The following ARL6IP6 variants were observed in gnomAD, a reference collection of about 807,000 sequenced individuals.
ARL6IP6 encodes the protein ARF like GTPase 6 interacting protein 6.
ARL6IP6 carries 22 observed loss-of-function variants against 21.5 expected under a neutral mutation model. That is an observed-to-expected ratio of 1.02 (90% CI 0.73 to 1.46). The LOEUF is 1.46. Among genes scored for constraint, ARL6IP6 ranks in the 40% most tolerant of loss-of-function variants. The pLI, the probability that ARL6IP6 is intolerant of heterozygous loss-of-function variation, is 0.00. For missense variants in ARL6IP6, 388 were observed against 299.8 expected, an observed-to-expected ratio of 1.29 and a Z score of -2.17; for synonymous variants, 164 against 125.3, an observed-to-expected ratio of 1.31 and a Z score of -2.06.
intron 2 of ARL6IP6, among the ~76,000 whole-genome samples, chr2:152,729,910 A>G (rs1431149343): frequency 1.3e-5 from 2 of 152,070 alleles, no homozygotes; most frequent in African/African-American, 2.4e-5. Flanking sequence ...AAGGGCTTAT[A>G]AAACATCAAA....
chr2:152,727,513 A>G (rs1700100411), intron 2 of ARL6IP6, among the ~76,000 whole-genome samples: 1 of 152,010 alleles, frequency 6.6e-6, no homozygotes, highest in South Asian at 2.1e-4. Context: ...CTTCACCTTC[A>G]CTCATCAGTC....
At chr2:152,742,344 G>A (rs1200577124) in intron 3 of ARL6IP6, among the ~76,000 whole-genome samples, 1 of 152,080 alleles carries the variant, frequency 6.6e-6, no homozygotes, top group Non-Finnish European at 1.5e-5. Context: ...AAGGTGGGAG[G>A]ATGGCTTGAG....
intron 1 of ARL6IP6, chr2:152,719,804 C>T: frequency 5.6e-6 from 2 of 355,012 alleles, no homozygotes; most frequent in Non-Finnish European, 1.2e-5. Flanking sequence ...GAAAAGCACC[C>T]AAAACATTGT....
chr2:152,740,966 C>G (rs1043304002), intron 3 of ARL6IP6, among the ~76,000 whole-genome samples: 1 of 152,052 alleles, frequency 6.6e-6, no homozygotes, highest in Admixed American at 6.5e-5. Context: ...AGAGTGAGTC[C>G]TTGTACAGGG....
At chr2:152,756,886 T>C (rs1701617891) in intron 3 of ARL6IP6, among the ~76,000 whole-genome samples, 2 of 152,276 alleles carry the variant, frequency 1.3e-5, no homozygotes, top group Middle Eastern at 3.4e-3. Flanking sequence ...TATATCTACC[T>C]TGTAACTCAG....
At chr2:152,752,951 T>A (rs1701406376) in intron 3 of ARL6IP6, among the ~76,000 whole-genome samples, 1 of 152,052 alleles carries the variant, frequency 6.6e-6, no homozygotes. Context: ...GATCTTGGTG[T>A]TTCTCTTTTA....
At chr2:152,737,279 C>CT (rs1314926950) in intron 3 of ARL6IP6, among the ~76,000 whole-genome samples, 1 of 152,084 alleles carries the variant, frequency 6.6e-6, no homozygotes, top group East Asian at 1.9e-4. Context: ...TTCATGTTGT[C>CT]TTTTACCACT....
intron 3 of ARL6IP6, among the ~76,000 whole-genome samples, chr2:152,747,915 G>C (rs61049574): frequency 0.66 from 100,778 of 151,886 alleles, 33,632 homozygotes; most frequent in East Asian, 0.73. Flanking sequence ...TGCTCAGGCT[G>C]GTCTGGAATC....
At chr2:152,726,187 A>G (rs943031939) in intron 2 of ARL6IP6, among the ~76,000 whole-genome samples, 10 of 152,148 alleles carry the variant, frequency 6.6e-5, no homozygotes, top group Admixed American at 4.6e-4. Flanking sequence ...ATGATTTACC[A>G]ATGTTGGGAA....
At chr2:152,735,317 C>G (rs934821449) in intron 3 of ARL6IP6, among the ~76,000 whole-genome samples, 191 bp downstream of exon 3, 3 of 152,098 alleles carry the variant, frequency 2.0e-5, no homozygotes, top group Admixed American at 2.0e-4. Context: ...AATTCTATAT[C>G]TAGATAATGC....
chr2:152,717,965 G>GAGGAGAGGGTTCGA, upstream of ARL6IP6: 2 of 1,007,700 alleles, frequency 2.0e-6, no homozygotes, highest in Middle Eastern at 5.0e-4. Context: ...GAGGGGTTCG[G>GAGGAGAGGGTTCGA]AGGAGAGGGT....
At chr2:152,719,962 A>T in intron 1 of ARL6IP6, 1 of 306,308 alleles carries the variant, frequency 3.3e-6, no homozygotes, top group South Asian at 1.8e-5. Context: ...CATACAGAAG[A>T]CACTTTGGCC....
chr2:152,743,388 G>C lies in ARL6IP6; in HGVS notation c.587+8262G>C, dbSNP rs191310844. The stretch of plus-strand genomic sequence containing the variant: ...AAAATGTTCACTATTTAGATCAAAC[G>C]TCAAATTTAACAGCATATACTCAAA... On this transcript the variant is annotated intron_variant, in intron 3 of 3. Coordinates refer to ENST00000326446, the MANE Select transcript of ARL6IP6 (RefSeq NM_152522.7). Among the ~76,000 whole-genome samples the C allele has an allele frequency of 2.6e-4, 40 of 152,246 alleles. No individual in the cohort carries two copies. The Middle Eastern group carries it at 0.01, about 39-fold the overall frequency.
chr2:152,739,868 C>T (rs986501605), intron 3 of ARL6IP6, among the ~76,000 whole-genome samples: 1 of 152,176 alleles, frequency 6.6e-6, no homozygotes, highest in African/African-American at 2.4e-5. Context: ...GCACATCTTA[C>T]ATGGCAGCAG....
intron 1 of ARL6IP6, 34 bp downstream of exon 1, chr2:152,719,058 A>G: frequency 6.8e-7 from 1 of 1,481,280 alleles, no homozygotes; most frequent in Non-Finnish European, 8.9e-7. Flanking sequence ...GTCTGTCCAG[A>G]GTAAAGTTGA....
At chr2:152,751,580 C>G (rs1701333801) in intron 3 of ARL6IP6, among the ~76,000 whole-genome samples, 1 of 152,148 alleles carries the variant, frequency 6.6e-6, no homozygotes, top group African/African-American at 2.4e-5. Context: ...CCTTCTACTT[C>G]TATGAGCTCA....
chr2:152,718,979 A>T lies in ARL6IP6; in HGVS notation c.355A>T (p.Ile119Phe), dbSNP rs146940034. ...LSILCSLLFA[I>F]LLAFLLAIAY... ...TATTCTCTGCTCGCTGCTCTTCGCC[A>T]TTCTTCTCGCCTTCCTCCTCGCCAT... The change falls in exon 1 of 4, where the codon ATT becomes TTT. Residue 119 changes from isoleucine (I) to phenylalanine (F), a missense_variant. By Grantham distance (21) the Ile-to-Phe change is conservative (BLOSUM62 0). Coordinates refer to ENST00000326446, the MANE Select transcript of ARL6IP6 (RefSeq NM_152522.7). The T allele has an allele frequency of 2.5e-6, 4 of 1,590,296 alleles. No homozygotes were observed. Among genetic ancestry groups the T allele is most frequent in the Non-Finnish European group, 2.6e-6 (3 of 1,166,604 alleles).
At chr2:152,723,887 C>A (rs1191616934) in intron 2 of ARL6IP6, among the ~76,000 whole-genome samples, 1 of 152,074 alleles carries the variant, frequency 6.6e-6, no homozygotes, top group East Asian at 1.9e-4. Flanking sequence ...TTCATCCTTA[C>A]AATGAAAATT....
chr2:152,721,350 CT>C (rs372234306), intron 2 of ARL6IP6, among the ~76,000 whole-genome samples: 22,580 of 145,978 alleles, frequency 0.15, 1,765 homozygotes, highest in Middle Eastern at 0.25. Flanking sequence ...TTATGTGCAG[CT>C]TTTTTTTTTT....
Sources: gnomAD v4.1 joint callset for allele counts (sites outside exome capture counted in the v4.1 genomes callset) on GRCh38, gnomAD v4.1.1 for gene constraint, MANE v1.5 for transcripts, NCBI Gene and HGNC (gene_info 2026-07-23, HGNC 2026-07-21) for gene names.